Variants in KDM1B observed in about 807,000 individuals in gnomAD.
KDM1B encodes lysine-specific histone demethylase 2.
Under a neutral mutation model 107.4 loss-of-function variants are expected in KDM1B, and 63 were observed. That is an observed-to-expected ratio of 0.59 (90% CI 0.48 to 0.72). KDM1B has a LOEUF of 0.72. KDM1B is among the 30% of genes least tolerant of loss of function. The pLI is 0.00. For synonymous variants in KDM1B, 363 were observed against 363.9 expected, an observed-to-expected ratio of 1.00 and a Z score of 0.03; for missense variants, 749 against 1,020.8, an observed-to-expected ratio of 0.73 and a Z score of 3.63.
intron 3 of KDM1B, 119 bp from the exon 4 acceptor site, chr6:18,161,207 CT>C: frequency 1.2e-6 from 1 of 809,596 alleles, no homozygotes; most frequent in South Asian, 1.7e-5. Flanking sequence ...CCCTAACCTA[CT>C]GCCATGATGT....
chr6:18,160,935 G>C (rs999224922), intron 3 of KDM1B, among the ~76,000 whole-genome samples: 1 of 146,526 alleles, frequency 6.8e-6, no homozygotes, highest in African/African-American at 2.5e-5. Context: ...TTTATTTTTA[G>C]TAGAGAGGAG....
chr6:18,197,332 A>G lies in KDM1B; in HGVS notation c.1146+99A>G, dbSNP rs214620. On this transcript the variant is annotated intron_variant, in intron 11 of 21. Coordinates refer to ENST00000650836, the MANE Select transcript of KDM1B (RefSeq NM_001364614.2). The surrounding 1 kb of genome is among the most constrained non-coding windows in gnomAD (Gnocchi z 4.5). ...ATAGTAAAAGCCACATTATCACCAT[A>G]AAACTTAACAGAAGCAAGGCTTTCG... The G allele has an allele frequency of 0.074, 83,777 of 1,131,816 alleles. 3,848 individuals carry two copies. The highest frequency in any genetic ancestry group is 0.2 in the South Asian group (12,945 of 64,156). The allele number at this position is 1,131,816 out of a possible 1,614,324, so 70.1% of individuals were successfully genotyped here. A position where few individuals can be genotyped will look rare whatever the true frequency, so the allele number is the denominator to read the frequency against.
intron 7 of KDM1B, among the ~76,000 whole-genome samples, chr6:18,177,637 G>A (rs1786112384): frequency 6.6e-6 from 1 of 151,522 alleles, no homozygotes; most frequent in African/African-American, 2.4e-5. Flanking sequence ...TTGAACTCTT[G>A]GCCTCAAGTG....
At chr6:18,176,390 T>C (rs1786011309) in intron 7 of KDM1B, among the ~76,000 whole-genome samples, 1 of 152,166 alleles carries the variant, frequency 6.6e-6, no homozygotes, top group Non-Finnish European at 1.5e-5. Context: ...AACGATCATA[T>C]CATCAGCAAA....
At chr6:18,190,214 A>C (rs1007507298) in intron 9 of KDM1B, among the ~76,000 whole-genome samples, 2 of 152,098 alleles carry the variant, frequency 1.3e-5, no homozygotes, top group Admixed American at 6.6e-5. Context: ...GTGGATATAG[A>C]ATTTGTCTTA....
In KDM1B at chr6:18,205,406, C is replaced by A; in HGVS notation, c.1532-131C>A. The A allele has an allele frequency of 1.4e-6, 1 of 727,116 alleles. No homozygotes were observed. The highest frequency in any genetic ancestry group is 2.1e-5 in the South Asian group (1 of 47,380). The allele number at this position is 727,116 out of a possible 1,614,324, so 45.0% of individuals were successfully genotyped here. A position where few individuals can be genotyped will look rare whatever the true frequency, so the allele number is the denominator to read the frequency against. On this transcript the variant is annotated intron_variant, in intron 14 of 21. Transcript: ENST00000650836. The surrounding 1 kb of genome is among the most constrained non-coding windows in gnomAD (Gnocchi z 5.7). ...ACCTTATCAAGAGATCTTTTCCCCT[C>A]TGACTTTACTTGGGAAAAGACTTTG...
chr6:18,177,004 G>C (rs1317128238), intron 7 of KDM1B, among the ~76,000 whole-genome samples: 2 of 152,156 alleles, frequency 1.3e-5, no homozygotes, highest in Non-Finnish European at 2.9e-5. Context: ...GAATTAGGGA[G>C]GGTTCCTCTT....
At position 18,208,628 on chromosome 6, in the gene KDM1B, T is replaced by TATATATATATATATATATA. The variant is rs1491350264; in HGVS notation, c.1866+422_1866+423insATATATATATATATATATA. Among the ~76,000 whole-genome samples the TATATATATATATATATATA allele has an allele frequency of 2.5e-3, 41 of 16,210 alleles. 1 individual carries two copies. The highest frequency in any genetic ancestry group is 0.056 in the Middle Eastern group (1 of 18). The allele number at this position is 16,210 out of a possible 152,430, so 10.6% of individuals were successfully genotyped here. Reference sequence around the variant, plus strand: ...GTATATATATATATATATATATATATTTTTTTTTTTTTTTTTTTTTTTTTT... The same window carrying TATATATATATATATATATA: ...GTATATATATATATATATATATATATATATATATATATATATATATTTTTTTTTTTTTTTTTTTTTTTTT... On this transcript the variant is annotated intron_variant, in intron 17 of 21. Coordinates refer to ENST00000650836, the MANE Select transcript of KDM1B (RefSeq NM_001364614.2).
At position 18,160,078 on chromosome 6, in the gene KDM1B, T is replaced by C. The variant is rs1453377288; in HGVS notation, c.87+96T>C. On this transcript the variant is annotated intron_variant, in intron 3 of 21. Coordinates refer to ENST00000650836, the MANE Select transcript of KDM1B (RefSeq NM_001364614.2). ...AGAGTTGAAAAGATTACTCCAGCCC[T>C]CAAGTTGCTTGTATTCTAGGGGAGA... is the stretch of plus-strand genomic sequence containing the variant. The C allele has an allele frequency of 1.3e-5, 10 of 758,828 alleles. No homozygotes were observed. In the East Asian group the frequency reaches 2.7e-4, roughly 20 times the overall value. 47.0% of individuals were successfully genotyped at this position (758,828 alleles called of 1,614,324 possible). A position where few individuals can be genotyped will look rare whatever the true frequency, so the allele number is the denominator to read the frequency against.
Position 18,223,254 on chromosome 6 carries a change from G to A in KDM1B, c.*1262G>A, listed in dbSNP as rs1438668680. On this transcript the variant is annotated 3_prime_UTR_variant, in exon 22 of 22. Transcript: ENST00000650836. ...TATTGAGTATTTTAAAAATTTAAAAGTAGGTCAGTTTATAACGAGTAAATA... is the reference window on the plus strand; with the variant it reads ...TATTGAGTATTTTAAAAATTTAAAAATAGGTCAGTTTATAACGAGTAAATA... 3 of 152,402 alleles carry A rather than the reference G, an allele frequency of 2.0e-5. No homozygotes were observed. Among genetic ancestry groups the A allele is most frequent in the Admixed American group, 2.0e-4 (3 of 15,244 alleles). The allele number at this position is 152,402 out of a possible 1,614,324, so 9.4% of individuals were successfully genotyped here.
Position 18,159,080 on chromosome 6 carries a change from G to T in KDM1B, c.-13-803G>T, listed in dbSNP as rs1784808879. On this transcript the variant is annotated intron_variant, in intron 2 of 21. Coordinates refer to ENST00000650836, the MANE Select transcript of KDM1B (RefSeq NM_001364614.2). The surrounding 1 kb of genome is among the most constrained non-coding windows in gnomAD (Gnocchi z 4.5). ...CCTCCCTGGTTCAGGCGATTCTCCT[G>T]CCCCAGCCTCCTGAGTAGCTGGAAT... 6.6e-6 allele frequency among the ~76,000 whole-genome samples: 1 copy of T among 152,166 alleles called. No homozygotes were observed.
At chr6:18,169,127 G>A (rs763919491) in intron 6 of KDM1B, among the ~76,000 whole-genome samples, 25 of 150,972 alleles carry the variant, frequency 1.7e-4, no homozygotes, top group African/African-American at 5.1e-4. Context: ...TCGCCTCGGC[G>A]TCCCAAAGTG....
chr6:18,205,394 A>C lies in KDM1B; in HGVS notation c.1532-143A>C. 1.7e-6 allele frequency: 1 copy of C among 599,572 alleles called. No individual in the cohort carries two copies. The highest frequency in any genetic ancestry group is 2.5e-5 in the South Asian group (1 of 40,234). The allele number at this position is 599,572 out of a possible 1,614,324, so 37.1% of individuals were successfully genotyped here. A position where few individuals can be genotyped will look rare whatever the true frequency, so the allele number is the denominator to read the frequency against. On this transcript the variant is annotated intron_variant, in intron 14 of 21. Coordinates refer to ENST00000650836, the MANE Select transcript of KDM1B (RefSeq NM_001364614.2). The surrounding 1 kb of genome is among the most constrained non-coding windows in gnomAD (Gnocchi z 5.7). ...TGAGAGAAATGGACCTTATCAAGAGATCTTTTCCCCTCTGACTTTACTTGG... is the reference window on the plus strand; with the variant it reads ...TGAGAGAAATGGACCTTATCAAGAGCTCTTTTCCCCTCTGACTTTACTTGG...
chr6:18,168,139 G>A (rs888083332), intron 6 of KDM1B, among the ~76,000 whole-genome samples: 5 of 152,126 alleles, frequency 3.3e-5, no homozygotes, highest in Admixed American at 1.3e-4. Context: ...AGTAAAATTC[G>A]TATAACATAA....
intron 7 of KDM1B, among the ~76,000 whole-genome samples, chr6:18,179,467 T>C (rs1173800659): frequency 6.6e-6 from 1 of 152,234 alleles, no homozygotes; most frequent in Non-Finnish European, 1.5e-5. Context: ...ACTTCTTTTT[T>C]TGTGTTTGGT....
rs41267732 is a variant in KDM1B, at chr6:18,212,563, A to T, written c.1942A>T (p.Met648Leu). The T allele has an allele frequency of 0.036, 57,549 of 1,613,936 alleles. 2,299 individuals carry two copies. Among genetic ancestry groups the T allele is most frequent in the Admixed American group, 0.2 (12,144 of 60,026 alleles). ...TAATCCACCGTTGTCAGAGAAGAAG[A>T]TGAAGGCTATCAACAGCTTAGGCGC... ...QFNPPLSEKK[M>L]KAINSLGAGI... Residue 648 changes from methionine to leucine, a missense_variant, in exon 18 of 22, where the codon ATG becomes TTG. By Grantham distance (15) the Met-to-Leu change is conservative. Coordinates refer to ENST00000650836, the MANE Select transcript of KDM1B (RefSeq NM_001364614.2). The surrounding 1 kb of genome is among the most constrained non-coding windows in gnomAD (Gnocchi z 5.2).
In KDM1B at chr6:18,201,127, A is replaced by G. The variant is rs1415369272; in HGVS notation, c.1360-359A>G. On this transcript the variant is annotated intron_variant, in intron 13 of 21. Coordinates refer to ENST00000650836, the MANE Select transcript of KDM1B (RefSeq NM_001364614.2). This position sits in a 1 kb window ranked among gnomAD's most constrained non-coding sequence, Gnocchi z 4.3. ...GGTCAATTCAATTTCAACTTCTGCT[A>G]TGAGTGTTTGTGTGTTTGTGTGTTC... Among the ~76,000 whole-genome samples the G allele has an allele frequency of 2.6e-5, 4 of 152,106 alleles. No homozygotes were observed. The highest frequency in any genetic ancestry group is 1.9e-4 in the East Asian group (1 of 5,190).
intron 12 of KDM1B, among the ~76,000 whole-genome samples, chr6:18,198,189 C>T (rs1401354760): frequency 6.6e-6 from 1 of 151,746 alleles, no homozygotes; most frequent in African/African-American, 2.4e-5. Flanking sequence ...AGCCACTGCA[C>T]CTGGCCAAAG....
At chr6:18,182,216 A>C (rs1413524893) in intron 7 of KDM1B, among the ~76,000 whole-genome samples, 1 of 152,122 alleles carries the variant, frequency 6.6e-6, no homozygotes, top group Non-Finnish European at 1.5e-5. Context: ...TCTATGGATA[A>C]TATCAAATCT....
Sources: allele counts gnomAD v4.1 joint callset (sites outside exome capture counted in the v4.1 genomes callset), GRCh38; gene constraint gnomAD v4.1.1; non-coding constraint Gnocchi (gnomAD v3.1); transcripts MANE v1.5; gene names NCBI Gene and HGNC (gene_info 2026-07-23, HGNC 2026-07-21).